NAV1: variants seen among roughly 807,000 people sequenced by gnomAD.
NAV1 encodes the protein neuron navigator 1.
Under a neutral mutation model 175.2 loss-of-function variants are expected in NAV1, and 18 were observed. That is an observed-to-expected ratio of 0.10 (90% CI 0.07 to 0.15). The LOEUF (loss-of-function observed/expected upper bound fraction) is 0.15, where lower values mean the gene tolerates loss of function less well. Ranked by LOEUF, NAV1 falls within the 10% of genes least tolerant of loss-of-function variation. The pLI is 1.00. For synonymous variants in NAV1, 897 were observed against 978.7 expected (o/e 0.92, Z 1.56); for missense variants, 1,731 against 2,436.6 (o/e 0.71, Z 6.10).
chr1:201,794,099 CATTG>C (rs1677283318), intron 14 of NAV1: 4 of 689,534 alleles, frequency 5.8e-6, no homozygotes, highest in African/African-American at 5.3e-5. Context: ...ATGCCTCGCC[CATTG>C]CCTGACACAT....
chr1:201,773,765 G>A (rs1002928978), intron 3 of NAV1, among the ~76,000 whole-genome samples: 1 of 152,182 alleles, frequency 6.6e-6, no homozygotes, highest in African/African-American at 2.4e-5. Context: ...ATAGTAAGTG[G>A]GAAAATAAGT....
chr1:201,788,759 T>C lies in NAV1; in HGVS notation c.3166+121T>C, dbSNP rs1258136458. ...ATATATGATTCACAGAACATCAAGTTGGGCCATTTCAGTTTTTTCTCCCCA... is the reference window on the plus strand; with the variant it reads ...ATATATGATTCACAGAACATCAAGTCGGGCCATTTCAGTTTTTTCTCCCCA... On this transcript the variant is annotated intron_variant, in intron 10 of 29. Transcript: ENST00000367296. This position sits in a 1 kb window ranked among gnomAD's most constrained non-coding sequence, Gnocchi z 5.7. 2.4e-6 allele frequency: 3 copies of C among 1,250,756 alleles called. No homozygotes were observed. Among genetic ancestry groups the C allele is most frequent in the Non-Finnish European group, 3.3e-6 (3 of 913,696 alleles). 77.5% of individuals were successfully genotyped at this position (1,250,756 alleles called of 1,614,324 possible).
At chr1:201,701,164 A>G (rs865852142) in intron 1 of NAV1, among the ~76,000 whole-genome samples, 1 of 151,750 alleles carries the variant, frequency 6.6e-6, no homozygotes, top group African/African-American at 2.4e-5. Context: ...TCACAAGGAC[A>G]GAAAACCAAA....
At chr1:201,815,388 G>T (rs532378584) in intron 28 of NAV1, among the ~76,000 whole-genome samples, 123 of 152,258 alleles carry the variant, frequency 8.1e-4, no homozygotes, top group Non-Finnish European at 1.6e-3. Flanking sequence ...AAAAAAAGGT[G>T]GGGTGGTTGG....
intron 2 of NAV1, among the ~76,000 whole-genome samples, chr1:201,639,955 G>T (rs1030195093): frequency 6.6e-6 from 1 of 152,160 alleles, no homozygotes; most frequent in African/African-American, 2.4e-5. Flanking sequence ...CCCTGTTGGT[G>T]TAGAAATTTG....
At chr1:201,706,322 C>T (rs1054115446) in intron 1 of NAV1, among the ~76,000 whole-genome samples, 26 of 151,746 alleles carry the variant, frequency 1.7e-4, no homozygotes, top group Admixed American at 2.6e-4. Context: ...CTTCTTGTTT[C>T]CAGATCATTT....
chr1:201,583,413 CATTATCTGT>C (rs1666927338), intron 1 of NAV1, among the ~76,000 whole-genome samples: 1 of 152,250 alleles, frequency 6.6e-6, no homozygotes, highest in Non-Finnish European at 1.5e-5. Context: ...CTCCCGCTCC[CATTATCTGT>C]AGACTCTGCT....
chr1:201,704,280 G>C (rs1222763174), intron 1 of NAV1, among the ~76,000 whole-genome samples: 1 of 152,236 alleles, frequency 6.6e-6, no homozygotes, highest in Non-Finnish European at 1.5e-5. Flanking sequence ...CTGAGGGAGA[G>C]AGACCTGGGC....
intron 2 of NAV1, among the ~76,000 whole-genome samples, chr1:201,716,779 G>C (rs1672158942): frequency 6.6e-6 from 1 of 152,234 alleles, no homozygotes; most frequent in African/African-American, 2.4e-5. Context: ...CTTTGGGGCT[G>C]AGGCAGGAGG....
chr1:201,562,806 G>A (rs1666239744), intron 1 of NAV1, among the ~76,000 whole-genome samples: 1 of 152,128 alleles, frequency 6.6e-6, no homozygotes, highest in Non-Finnish European at 1.5e-5. Flanking sequence ...GCAGGGAGGG[G>A]TGGGGCAGGC....
chr1:201,634,585 G>T (rs1668563736), intron 2 of NAV1, among the ~76,000 whole-genome samples: 1 of 152,212 alleles, frequency 6.6e-6, no homozygotes, highest in Non-Finnish European at 1.5e-5. Context: ...ACCTGCTGGA[G>T]GGGTTTGAAA....
At chr1:201,697,196 T>G (rs2102431696) in intron 1 of NAV1, among the ~76,000 whole-genome samples, 1 of 152,210 alleles carries the variant, frequency 6.6e-6, no homozygotes, top group East Asian at 1.9e-4. Flanking sequence ...GGAACCATCC[T>G]GGAAATGGGG....
chr1:201,570,802 G>A (rs925224796), intron 1 of NAV1, among the ~76,000 whole-genome samples: 2 of 152,182 alleles, frequency 1.3e-5, no homozygotes, highest in African/African-American at 4.8e-5. Context: ...AGAAGTCCAG[G>A]TCTAGGAAGA....
chr1:201,810,535 A>G lies in NAV1; in HGVS notation c.4574A>G (p.Lys1525Arg). The G allele has an allele frequency of 6.2e-7, 1 of 1,610,368 alleles. No individual in the cohort carries two copies. Among genetic ancestry groups the G allele is most frequent in the East Asian group, 2.2e-5 (1 of 44,674 alleles). The change falls in exon 24 of 30, where the codon AAA (lysine) becomes AGA (arginine). Residue 1525 changes from lysine (K) to arginine (R), a missense_variant. By Grantham distance (26) the Lys-to-Arg change is conservative. Around this residue, in one of 13 missense-constraint regions of NAV1, gnomAD observed 115 missense variants for 269.4 expected, o/e 0.43. Coordinates refer to ENST00000367296, the Ensembl canonical transcript of NAV1. This position sits in a 1 kb window ranked among gnomAD's most constrained non-coding sequence, Gnocchi z 6.0. ...GGTGGGGGTTCAGGTCTGAAGGAGA[A>G]ATGCGTCGACAGCCTGGTGTTCGAG...
exon 1 of NAV1, chr1:201,648,789 G>A: frequency 6.6e-7 from 1 of 1,510,742 alleles, no homozygotes; most frequent in Non-Finnish European, 8.8e-7. Context: ...GGACGGCAGA[G>A]GCATGCTGCC....
chr1:201,819,563 C>T (rs1028105666), intron 29 of NAV1, among the ~76,000 whole-genome samples: 9 of 151,154 alleles, frequency 6.0e-5, no homozygotes, highest in Admixed American at 5.3e-4. Context: ...CTCATAGGCT[C>T]GAGTCATCCT....
At chr1:201,695,479 A>G (rs879286584) in intron 1 of NAV1, among the ~76,000 whole-genome samples, 3 of 152,162 alleles carry the variant, frequency 2.0e-5, no homozygotes, top group Non-Finnish European at 4.4e-5. Flanking sequence ...AAAAGGGGGT[A>G]TGGGGAAGGC....
At chr1:201,642,162 CCCCT>C (rs146332371) in intron 2 of NAV1, among the ~76,000 whole-genome samples, 47 of 105,106 alleles carry the variant, frequency 4.5e-4, no homozygotes, top group African/African-American at 1.7e-3. Context: ...CTTTCTCTCT[CCCCT>C]CCCTTCCTTC....
upstream of NAV1, among the ~76,000 whole-genome samples, chr1:201,620,628 A>AGT (rs746736126): frequency 2.1e-4 from 31 of 150,236 alleles, no homozygotes; most frequent in Middle Eastern, 3.5e-3. Flanking sequence ...CCAGCTATTT[A>AGT]GTGTGTGTGT....
Sources: allele counts gnomAD v4.1 joint callset (sites outside exome capture counted in the v4.1 genomes callset), GRCh38; gene constraint gnomAD v4.1.1; regional missense constraint gnomAD v4.1.1; non-coding constraint Gnocchi (gnomAD v3.1); transcripts MANE v1.5; gene names NCBI Gene and HGNC (gene_info 2026-07-23, HGNC 2026-07-21).